The following TPD52L1 variants were observed in gnomAD, a reference collection of about 807,000 sequenced individuals.
TPD52L1 encodes TPD52 like 1.
TPD52L1 carries 18 observed loss-of-function variants against 28.7 expected under a neutral mutation model. That is an observed-to-expected ratio of 0.63 (90% CI 0.43 to 0.93). TPD52L1 has a LOEUF of 0.93. TPD52L1 is among the 40% of genes least tolerant of loss of function. The probability of loss-of-function intolerance (pLI) is 0.00; values close to 1 mark genes in which losing one functional copy is unlikely to be tolerated. For synonymous variants in TPD52L1, 75 were observed against 88.8 expected (o/e 0.84, Z 0.88); for missense variants, 203 against 254.8 (o/e 0.80, Z 1.39).
At chr6:125,172,148 C>CTTTTCT (rs367798428) in intron 1 of TPD52L1, among the ~76,000 whole-genome samples, 2 of 59,128 alleles carry the variant, frequency 3.4e-5, no homozygotes, top group Non-Finnish European at 6.2e-5. Flanking sequence ...TTCTTTCTTT[C>CTTTTCT]TTTCTTTCTT....
At chr6:125,164,918 T>C (rs1790776385) in intron 1 of TPD52L1, among the ~76,000 whole-genome samples, 1 of 151,624 alleles carries the variant, frequency 6.6e-6, no homozygotes, top group Non-Finnish European at 1.5e-5. Flanking sequence ...TTGCGAAATG[T>C]CCCCAACAAC....
chr6:125,212,698 G>T (rs759716628), intron 1 of TPD52L1, among the ~76,000 whole-genome samples: 1 of 152,240 alleles, frequency 6.6e-6, no homozygotes, highest in Non-Finnish European at 1.5e-5. Context: ...CCAGCAACTT[G>T]GGACTGAGCC....
chr6:125,216,044 T>C (rs1265913377), intron 1 of TPD52L1, among the ~76,000 whole-genome samples: 2 of 152,028 alleles, frequency 1.3e-5, no homozygotes, highest in East Asian at 3.9e-4. Context: ...AGGGGTGGGG[T>C]GGAGCTTACT....
At chr6:125,249,331 A>T (rs1400582787) in intron 4 of TPD52L1, among the ~76,000 whole-genome samples, 1 of 151,566 alleles carries the variant, frequency 6.6e-6, no homozygotes, top group Non-Finnish European at 1.5e-5. Context: ...AAAAAAAAAA[A>T]TCTCTGCGTA....
At chr6:125,154,008 G>C (rs772897380) in intron 1 of TPD52L1, 38 bp downstream of exon 1, 2 of 1,591,164 alleles carry the variant, frequency 1.3e-6, no homozygotes, top group South Asian at 2.3e-5. Context: ...TCAGGTCCTG[G>C]GGCGCGCATA....
chr6:125,188,976 T>A (rs988135785), intron 1 of TPD52L1, among the ~76,000 whole-genome samples: 1 of 152,254 alleles, frequency 6.6e-6, no homozygotes, highest in East Asian at 1.9e-4. Flanking sequence ...GCAATACTTT[T>A]AGAGAATTAG....
rs549083420 is a variant in TPD52L1 at position 125,230,519 on chromosome 6, A to G, written c.284+1253A>G. 1.5e-4 allele frequency among the ~76,000 whole-genome samples: 23 copies of G among 152,292 alleles called. No homozygotes were observed. The South Asian group carries it at 4.3e-3, about 29-fold the overall frequency. The stretch of plus-strand genomic sequence containing the variant: ...GTCAATTTTTCTTTCTCCTAGGCAT[A>G]GAAAGGCCTGATGGTAGGAAGAGGT... On this transcript the variant is annotated intron_variant, in intron 3 of 6. Coordinates refer to ENST00000534000, the MANE Select transcript of TPD52L1 (RefSeq NM_003287.4).
chr6:125,216,735 AT>A (rs1794920067), intron 1 of TPD52L1, among the ~76,000 whole-genome samples: 1 of 151,960 alleles, frequency 6.6e-6, no homozygotes, highest in Non-Finnish European at 1.5e-5. Context: ...ATTACTTAGC[AT>A]TGAAACTGGC....
At chr6:125,182,415 A>C (rs548010990) in intron 1 of TPD52L1, among the ~76,000 whole-genome samples, 41 of 152,054 alleles carry the variant, frequency 2.7e-4, no homozygotes, top group African/African-American at 9.6e-4. Context: ...ATTTTTCAGG[A>C]GAGTGAGGTG....
intron 1 of TPD52L1, chr6:125,154,509 C>G (rs1042471591): frequency 2.0e-6 from 2 of 984,020 alleles, no homozygotes; most frequent in Non-Finnish European, 2.4e-6. Flanking sequence ...GTTACCGGCC[C>G]CCTGACCTCC....
intron 2 of TPD52L1, among the ~76,000 whole-genome samples, chr6:125,228,855 T>G (rs1314417636): frequency 6.6e-6 from 1 of 152,166 alleles, no homozygotes; most frequent in East Asian, 1.9e-4. Flanking sequence ...TGATTTTTAT[T>G]TTCTTGTTTA....
At chr6:125,180,887 T>C (rs1792148326) in intron 1 of TPD52L1, among the ~76,000 whole-genome samples, 1 of 151,626 alleles carries the variant, frequency 6.6e-6, no homozygotes, top group African/African-American at 2.4e-5. Flanking sequence ...GCTATTATCA[T>C]AGGTCTTTAT....
At chr6:125,164,140 C>T (rs973127394) in intron 1 of TPD52L1, among the ~76,000 whole-genome samples, 2 of 152,110 alleles carry the variant, frequency 1.3e-5, no homozygotes, top group Admixed American at 6.6e-5. Context: ...ACTTTGTATG[C>T]ACAAGCAGTC....
chr6:125,215,220 A>G (rs186926042), intron 1 of TPD52L1, among the ~76,000 whole-genome samples: 17 of 152,168 alleles, frequency 1.1e-4, no homozygotes, highest in Non-Finnish European at 2.4e-4. Flanking sequence ...GTCATTTGGT[A>G]TCTTTCACCA....
chr6:125,253,948 C>T, intron 5 of TPD52L1, 193 bp downstream of exon 5: 1 of 758,252 alleles, frequency 1.3e-6, no homozygotes, highest in Non-Finnish European at 2.4e-6. Context: ...TGGCTTAAAT[C>T]TAGTCTTTCC....
chr6:125,210,940 T>C (rs1794450319), intron 1 of TPD52L1, among the ~76,000 whole-genome samples: 1 of 152,198 alleles, frequency 6.6e-6, no homozygotes, highest in Non-Finnish European at 1.5e-5. Flanking sequence ...CCCAAAGTTA[T>C]ACCCTTTCCA....
At chr6:125,209,982 T>C (rs1794391752) in intron 1 of TPD52L1, among the ~76,000 whole-genome samples, 1 of 152,198 alleles carries the variant, frequency 6.6e-6, no homozygotes, top group Non-Finnish European at 1.5e-5. Context: ...GATCTCTCTT[T>C]TGCCTGAATT....
At position 125,263,196 on chromosome 6, in the gene TPD52L1, T is replaced by A; in HGVS notation, c.*234T>A. 1.9e-6 allele frequency: 1 copy of A among 532,938 alleles called. No homozygotes were observed. 33.0% of individuals were successfully genotyped at this position (532,938 alleles called of 1,614,324 possible). On this transcript the variant is annotated 3_prime_UTR_variant, in exon 7 of 7. Transcript: ENST00000534000. Reference sequence around the variant, plus strand: ...AGATGACTGTCACATTTTAAAATGTTCCCACTTGAGCAGGTACACAACTGG... The same window carrying A: ...AGATGACTGTCACATTTTAAAATGTACCCACTTGAGCAGGTACACAACTGG...
intron 1 of TPD52L1, among the ~76,000 whole-genome samples, chr6:125,189,325 G>A (rs1792877774): frequency 6.6e-6 from 1 of 152,094 alleles, no homozygotes; most frequent in South Asian, 2.1e-4. Context: ...GATTTGTGTG[G>A]GTCATAAGAA....
Sources: gnomAD v4.1 joint callset for allele counts (sites outside exome capture counted in the v4.1 genomes callset) on GRCh38, gnomAD v4.1.1 for gene constraint, MANE v1.5 for transcripts, NCBI Gene and HGNC (gene_info 2026-07-23, HGNC 2026-07-21) for gene names.